BTAF1: variants seen among roughly 807,000 people sequenced by gnomAD.
The protein encoded by BTAF1 is B-TFIID TATA-box binding protein associated factor 1.
A neutral mutation model predicts 227.1 loss-of-function variants in BTAF1; 38 were observed. The observed-to-expected ratio is 0.17, with a 90% CI of 0.13 to 0.22. The LOEUF is 0.22. Ranked by LOEUF, BTAF1 falls within the 10% of genes least tolerant of loss-of-function variation. BTAF1 has a pLI of 1.00. For synonymous variants in BTAF1, 742 were observed against 751.9 expected (o/e 0.99, Z 0.21); for missense variants, 1,598 against 2,204.0 (o/e 0.73, Z 5.51).
Position 91,981,882 on chromosome 10 carries a change from G to T in BTAF1, c.1905+90G>T. On this transcript the variant is annotated intron_variant, in intron 16 of 37. Transcript: ENST00000265990. The stretch of plus-strand genomic sequence containing the variant: ...TTTTTAAAAATCTGTATTGCCTTAA[G>T]TGTGATTTAATTAACATAAGTAAGG... 4 of 1,425,250 alleles carry T rather than the reference G, an allele frequency of 2.8e-6. 1 individual carries two copies. In the South Asian group the frequency reaches 4.5e-5, roughly 16 times the overall value. The allele number at this position is 1,425,250 out of a possible 1,614,324, so 88.3% of individuals were successfully genotyped here.
intron 4 of BTAF1, among the ~76,000 whole-genome samples, chr10:91,949,865 G>T (rs1238819370): frequency 2.0e-5 from 3 of 152,134 alleles, no homozygotes; most frequent in Non-Finnish European, 4.4e-5. Flanking sequence ...GCCAGGTGCA[G>T]TGGCTCACGC....
intron 34 of BTAF1, among the ~76,000 whole-genome samples, chr10:92,020,009 ACCACACC>A (rs1194238139): frequency 6.6e-6 from 1 of 151,586 alleles, no homozygotes; most frequent in African/African-American, 2.4e-5. Context: ...GGCATGAGCT[ACCACACC>A]CTGCCGAGAA....
At chr10:92,021,798 C>G (rs187879115) in intron 34 of BTAF1, among the ~76,000 whole-genome samples, 9 of 152,162 alleles carry the variant, frequency 5.9e-5, no homozygotes, top group African/African-American at 2.2e-4. Context: ...CCTGCCTGGG[C>G]CTCCTAAAGT....
At chr10:91,996,619 T>G in intron 24 of BTAF1, 49 bp downstream of exon 24, 1 of 1,563,784 alleles carries the variant, frequency 6.4e-7, no homozygotes, top group Non-Finnish European at 8.8e-7. Flanking sequence ...TTCATTTCAC[T>G]TAAGGATAAT....
intron 5 of BTAF1, among the ~76,000 whole-genome samples, chr10:91,951,803 A>G (rs1009547955): frequency 6.6e-6 from 1 of 152,128 alleles, no homozygotes; most frequent in South Asian, 2.1e-4. Flanking sequence ...CCTTTTAGGC[A>G]CTACTGGTAT....
At chr10:91,969,044 T>C (rs1175040239) in intron 14 of BTAF1, among the ~76,000 whole-genome samples, 1 of 150,802 alleles carries the variant, frequency 6.6e-6, no homozygotes, top group Admixed American at 6.6e-5. Context: ...AAAAAAATTT[T>C]TTTTTTTTTT....
intron 35 of BTAF1, among the ~76,000 whole-genome samples, chr10:92,025,810 C>CAA (rs71025383): frequency 0.044 from 3,793 of 86,422 alleles, 287 homozygotes; most frequent in African/African-American, 0.14. Context: ...GACTCTGTCT[C>CAA]AAAAAAAAAA....
At chr10:91,977,652 A>T (rs1847788645) in intron 14 of BTAF1, among the ~76,000 whole-genome samples, 1 of 152,148 alleles carries the variant, frequency 6.6e-6, no homozygotes, top group African/African-American at 2.4e-5. Flanking sequence ...GAAACTTCCA[A>T]AATAGCTGCC....
intron 5 of BTAF1, 24 bp downstream of exon 5, chr10:91,951,590 G>A (rs751855387): frequency 2.6e-6 from 4 of 1,561,142 alleles, no homozygotes; most frequent in East Asian, 4.6e-5. Flanking sequence ...TTGGTTATTT[G>A]ATTGCAAGTA....
chr10:91,952,577 C>T (rs1197334535), intron 5 of BTAF1, among the ~76,000 whole-genome samples: 1 of 152,162 alleles, frequency 6.6e-6, no homozygotes, highest in Non-Finnish European at 1.5e-5. Context: ...CTGGTCTTTT[C>T]CTTTGCTTCA....
rs1482297420 is a variant in BTAF1, at chr10:91,981,775, G to C, written c.1888G>C (p.Val630Leu). ...TATCGATTTAAATATGTTGCTAGAA[G>C]TAAAAGCTAGAGCCAAGGTAAGTGT... ...LPIDLNMLLE[V>L]KARAKEKTGG... is the part of the protein sequence containing the mutation. The change falls in exon 16 of 38, where the codon GTA (valine) becomes CTA (leucine). Residue 630 changes from valine to leucine, a missense_variant. Val to Leu is a conservative substitution (Grantham distance 32). Around this residue, in one of 10 missense-constraint regions of BTAF1, gnomAD observed 318 missense variants for 435.0 expected, o/e 0.73. Coordinates refer to ENST00000265990, the MANE Select transcript of BTAF1 (RefSeq NM_003972.3). The C allele has an allele frequency of 6.2e-7, 1 of 1,613,334 alleles. No individual in the cohort carries two copies. The highest frequency in any genetic ancestry group is 8.5e-7 in the Non-Finnish European group (1 of 1,179,652).
chr10:92,002,450 C>T lies in BTAF1; in HGVS notation c.3660+4699C>T, dbSNP rs187902451. 1.1e-4 allele frequency among the ~76,000 whole-genome samples: 17 copies of T among 152,224 alleles called. No homozygotes were observed. The East Asian group carries it at 2.3e-3, about 21-fold the overall frequency. ...GGGTTGCTGGCACTGAAACAATATT[C>T]GTAACACTTGGGTTTAGGGTTTCAT... On this transcript the variant is annotated intron_variant, in intron 25 of 37. Transcript: ENST00000265990.
chr10:91,969,688 G>A (rs1847157449), intron 14 of BTAF1, among the ~76,000 whole-genome samples: 1 of 152,172 alleles, frequency 6.6e-6, no homozygotes, highest in Non-Finnish European at 1.5e-5. Context: ...GTCGGGCCCA[G>A]CGTGGTGGCT....
chr10:92,030,180 T>C lies in BTAF1; in HGVS notation c.*1247T>C, dbSNP rs1309433485. 3.9e-5 allele frequency: 6 copies of C among 152,574 alleles called. No homozygotes were observed. The highest frequency in any genetic ancestry group is 1.4e-4 in the African/African-American group (6 of 41,466). 9.5% of individuals were successfully genotyped at this position (152,574 alleles called of 1,614,324 possible). A position where few individuals can be genotyped will look rare whatever the true frequency, so the allele number is the denominator to read the frequency against. ...TTTAACAACCATCAGACCTCAGCTG[T>C]ACAATAACAGGTGTTTTGTTTAATT... On this transcript the variant is annotated 3_prime_UTR_variant, in exon 38 of 38. Transcript: ENST00000265990.
rs760547693 is a variant in BTAF1 at position 92,018,776 on chromosome 10, C to G, written c.4711-7C>G. 6.6e-7 allele frequency: 1 copy of G among 1,512,338 alleles called. No individual in the cohort carries two copies. Among genetic ancestry groups the G allele is most frequent in the South Asian group, 1.3e-5 (1 of 75,736 alleles). 93.7% of individuals were successfully genotyped at this position (1,512,338 alleles called of 1,614,324 possible). ...GACTCATATATACTTTTTTTTTCCT[C>G]TTGAAGGCATTACAGTACTTACGTA... On this transcript the variant is annotated splice_polypyrimidine_tract_variant and splice_region_variant and intron_variant, in intron 33 of 37. Transcript: ENST00000265990.
At chr10:91,955,072 T>G (rs888626209) in intron 6 of BTAF1, among the ~76,000 whole-genome samples, 1 of 152,242 alleles carries the variant, frequency 6.6e-6, no homozygotes, top group African/African-American at 2.4e-5. Context: ...AAACATATAC[T>G]TGGTAGAAAT....
At chr10:91,960,854 A>T (rs952805253) in intron 11 of BTAF1, among the ~76,000 whole-genome samples, 3 of 152,180 alleles carry the variant, frequency 2.0e-5, no homozygotes, top group Non-Finnish European at 2.9e-5. Context: ...ATGTTCCCTT[A>T]GTGGGTTATT....
rs751414780 is a variant in BTAF1 at position 91,959,738 on chromosome 10, G to GTGTA, written c.991-45_991-42dup. ...AAAAAATGTGTGTGTGTGTGTGTGT[G>GTGTA]TGTATATATATATATATATATATAT... On this transcript the variant is annotated intron_variant, in intron 9 of 37. Transcript: ENST00000265990. The GTGTA allele has an allele frequency of 1.1e-5, 4 of 359,092 alleles. No individual in the cohort carries two copies. The African/African-American group carries it at 1.5e-4, about 14-fold the overall frequency. 22.2% of individuals were successfully genotyped at this position (359,092 alleles called of 1,614,324 possible).
chr10:91,949,716 T>C (rs184309719), intron 4 of BTAF1, among the ~76,000 whole-genome samples: 1 of 152,226 alleles, frequency 6.6e-6, no homozygotes, highest in African/African-American at 2.4e-5. Context: ...AGATTTGGGC[T>C]GAGTTTACAG....
Sources: gnomAD v4.1 joint callset for allele counts (sites outside exome capture counted in the v4.1 genomes callset) on GRCh38, gnomAD v4.1.1 for gene constraint, gnomAD v4.1.1 regional missense constraint, MANE v1.5 for transcripts, NCBI Gene and HGNC (gene_info 2026-07-23, HGNC 2026-07-21) for gene names.